The following TENM2 variants were observed in gnomAD, a reference collection of about 807,000 sequenced individuals.
The protein encoded by TENM2 is teneurin-2.
A neutral mutation model predicts 245.2 loss-of-function variants in TENM2; 52 were observed. The ratio of observed to expected loss-of-function variants is 0.21; its 90% CI spans 0.17 to 0.27. The LOEUF (loss-of-function observed/expected upper bound fraction) is 0.27. Ranked by LOEUF, TENM2 falls within the 10% of genes least tolerant of loss-of-function variation. The pLI, the probability that TENM2 is intolerant of heterozygous loss-of-function variation, is 1.00. For missense variants in TENM2, 3,046 were observed against 3,666.8 expected (o/e 0.83, Z 4.37); for synonymous variants, 1,363 against 1,438.9 (o/e 0.95, Z 1.19).
intron 22 of TENM2, among the ~76,000 whole-genome samples, chr5:168,217,145 G>A (rs1050158229): frequency 5.9e-5 from 9 of 151,738 alleles, no homozygotes; most frequent in Admixed American, 6.6e-5. Flanking sequence ...AGGGAAAACT[G>A]TTGAGAAAAG....
intron 4 of TENM2, among the ~76,000 whole-genome samples, chr5:167,968,576 T>A (rs1160901607): frequency 6.6e-6 from 1 of 152,232 alleles, no homozygotes; most frequent in Non-Finnish European, 1.5e-5. Context: ...ATACGACCTT[T>A]AAATTTTTAT....
chr5:167,467,527 A>T (rs565696524), intron 2 of TENM2, among the ~76,000 whole-genome samples: 1 of 151,976 alleles, frequency 6.6e-6, no homozygotes, highest in Non-Finnish European at 1.5e-5. Flanking sequence ...AAAAAAAAAA[A>T]AAAACAGTAA....
chr5:167,199,191 G>A, the TENM2 span, among the ~76,000 whole-genome samples: 11 of 151,438 alleles, frequency 7.3e-5, no homozygotes, highest in South Asian at 1.0e-3. Context: ...CTATCTGGGC[G>A]CTGCTACTGC....
At chr5:168,002,025 A>G (rs150202081) in intron 5 of TENM2, among the ~76,000 whole-genome samples, 1 of 152,380 alleles carries the variant, frequency 6.6e-6, no homozygotes, top group East Asian at 1.9e-4. Flanking sequence ...AGTTTTACTA[A>G]AGAAAATATT....
intron 2 of TENM2, among the ~76,000 whole-genome samples, chr5:167,760,149 G>A (rs201030452): frequency 1.3e-5 from 2 of 152,050 alleles, no homozygotes; most frequent in Admixed American, 6.6e-5. Context: ...TTAAAACTCC[G>A]CATGGTACAT....
At chr5:167,067,102 T>A in the TENM2 span, among the ~76,000 whole-genome samples, 1 of 152,166 alleles carries the variant, frequency 6.6e-6, no homozygotes, top group Non-Finnish European at 1.5e-5. Flanking sequence ...AATTATTAGT[T>A]CAAGTTGAAG....
intron 2 of TENM2, among the ~76,000 whole-genome samples, chr5:167,824,779 T>C (rs752223161): frequency 2.6e-5 from 4 of 152,164 alleles, no homozygotes; most frequent in African/African-American, 4.8e-5. Context: ...AACAACAGTA[T>C]GGTTTATGTG....
chr5:167,907,612 C>A (rs1270729582), intron 3 of TENM2, among the ~76,000 whole-genome samples: 2 of 131,344 alleles, frequency 1.5e-5, no homozygotes, highest in Non-Finnish European at 3.2e-5. Flanking sequence ...ATTTATAGAG[C>A]TAAGAATTTA....
intron 25 of TENM2, among the ~76,000 whole-genome samples, chr5:168,235,810 G>A (rs200191316): frequency 4.0e-5 from 6 of 149,480 alleles, no homozygotes; most frequent in African/African-American, 7.4e-5. Context: ...CTGCCTCAAA[G>A]AAAAAAAAAA....
chr5:167,517,785 C>T (rs1256313036), intron 2 of TENM2, among the ~76,000 whole-genome samples: 1 of 152,122 alleles, frequency 6.6e-6, no homozygotes, highest in Non-Finnish European at 1.5e-5. Flanking sequence ...ACCATTCAAC[C>T]TAGCAGTCAA....
At chr5:167,748,319 C>CA (rs1352486621) in intron 2 of TENM2, among the ~76,000 whole-genome samples, 2 of 151,886 alleles carry the variant, frequency 1.3e-5, no homozygotes, top group African/African-American at 2.4e-5. Context: ...TGTCAGTGTG[C>CA]AAAAAAATTT....
At chr5:167,995,856 A>G (rs1373850880) in intron 5 of TENM2, among the ~76,000 whole-genome samples, 1 of 152,198 alleles carries the variant, frequency 6.6e-6, no homozygotes. Context: ...AGAACCAATG[A>G]TTGTGCCCAC....
At chr5:167,538,287 A>C (rs1771980111) in intron 2 of TENM2, among the ~76,000 whole-genome samples, 2 of 152,206 alleles carry the variant, frequency 1.3e-5, no homozygotes, top group Non-Finnish European at 2.9e-5. Context: ...CTATTTTTGA[A>C]ATGAGGTTCA....
chr5:167,937,398 G>T (rs1006008746), intron 3 of TENM2, among the ~76,000 whole-genome samples: 6 of 152,110 alleles, frequency 3.9e-5, no homozygotes, highest in Non-Finnish European at 7.3e-5. Flanking sequence ...CCTAGACTTG[G>T]GATTATTAGG....
the TENM2 span, among the ~76,000 whole-genome samples, chr5:167,229,874 C>T: frequency 6.6e-6 from 1 of 152,274 alleles, no homozygotes; most frequent in East Asian, 1.9e-4. Context: ...GGATTGGTTT[C>T]CCTGGGAACA....
At chr5:167,756,617 C>G (rs1344582883) in intron 2 of TENM2, among the ~76,000 whole-genome samples, 1 of 152,164 alleles carries the variant, frequency 6.6e-6, no homozygotes, top group African/African-American at 2.4e-5. Context: ...AAGTTAGGAA[C>G]AAGGACATGT....
At chr5:168,196,229 G>C (rs1761417857) in intron 15 of TENM2, among the ~76,000 whole-genome samples, 1 of 152,132 alleles carries the variant, frequency 6.6e-6, no homozygotes, top group Admixed American at 6.5e-5. Context: ...CTTATAGGCA[G>C]TTTCAACAAT....
rs1313213531 is a variant in TENM2, at chr5:168,162,970, G to A, written c.2569+213G>A. ...GCTGGAGGCACTGGGGGTTGATACT[G>A]GCTGAGAATTCCCAAGTGCCCATTG... On this transcript the variant is annotated intron_variant, in intron 13 of 28. Transcript: ENST00000518659. Among the ~76,000 whole-genome samples, 3 of 152,244 alleles carry A rather than the reference G, an allele frequency of 2.0e-5. No individual in the cohort carries two copies. In the East Asian group the frequency reaches 5.8e-4, roughly 29 times the overall value.
intron 2 of TENM2, among the ~76,000 whole-genome samples, chr5:167,575,128 A>G (rs1181411347): frequency 6.6e-6 from 1 of 151,478 alleles, no homozygotes; most frequent in Non-Finnish European, 1.5e-5. Flanking sequence ...GAAAAAAAAA[A>G]AAAACAACCC....
Sources: allele counts gnomAD v4.1 joint callset (sites outside exome capture counted in the v4.1 genomes callset), GRCh38; gene constraint gnomAD v4.1.1; transcripts MANE v1.5; gene names NCBI Gene and HGNC (gene_info 2026-07-23, HGNC 2026-07-21).